The following CACHD1 variants were observed in gnomAD, a reference collection of about 807,000 sequenced individuals.
CACHD1 encodes the protein cache domain containing 1, also known as VWFA and cache domain-containing protein 1.
In CACHD1, 71 loss-of-function variants were observed where a neutral mutation model predicts 138.7. The ratio of observed to expected loss-of-function variants is 0.51; its 90% CI spans 0.42 to 0.62. The LOEUF (loss-of-function observed/expected upper bound fraction) is 0.62. Among genes scored for constraint, CACHD1 ranks in the 20% least tolerant of loss-of-function variants. The pLI, the probability that CACHD1 is intolerant of heterozygous loss-of-function variation, is 0.00. For missense variants in CACHD1, 1,389 were observed against 1,625.3 expected, an observed-to-expected ratio of 0.85 and a Z score of 2.50; for synonymous variants, 578 against 591.5, an observed-to-expected ratio of 0.98 and a Z score of 0.33.
chr1:64,604,767 C>T (rs986068003), intron 4 of CACHD1, among the ~76,000 whole-genome samples: 1 of 151,862 alleles, frequency 6.6e-6, no homozygotes, highest in Non-Finnish European at 1.5e-5. Flanking sequence ...ATTCTCCTGC[C>T]TCAGCCTCCC....
At chr1:64,655,839 A>G (rs1295187995) in intron 12 of CACHD1, among the ~76,000 whole-genome samples, 3 of 152,234 alleles carry the variant, frequency 2.0e-5, no homozygotes, top group Non-Finnish European at 4.4e-5. Flanking sequence ...TGAACATAAA[A>G]TGCAGTCATA....
chr1:64,484,789 C>T (rs1646232095), intron 1 of CACHD1, among the ~76,000 whole-genome samples: 1 of 152,230 alleles, frequency 6.6e-6, no homozygotes, highest in African/African-American at 2.4e-5. Context: ...TTCATCCATG[C>T]GTAGCATGTG....
rs1195352228 is a variant in CACHD1, at chr1:64,643,073, C to G, written c.1156+1104C>G. On this transcript the variant is annotated intron_variant, in intron 8 of 26. Coordinates refer to ENST00000651257, the MANE Select transcript of CACHD1 (RefSeq NM_020925.4). ...AAAAAAAAAAAAAAAAAAAAAAAAG[C>G]CATGTCTTGATCAAGCAGTCTTTCC... Among the ~76,000 whole-genome samples the G allele has an allele frequency of 2.1e-4, 20 of 97,356 alleles. 1 individual carries two copies. The highest frequency in any genetic ancestry group is 1.9e-3 in the Admixed American group (16 of 8,372). The allele number at this position is 97,356 out of a possible 152,430, so 63.9% of individuals were successfully genotyped here. A position where few individuals can be genotyped will look rare whatever the true frequency, so the allele number is the denominator to read the frequency against.
In CACHD1 at chr1:64,688,766, G is replaced by A. The variant is rs1308300422; in HGVS notation, c.3587-2557G>A. On this transcript the variant is annotated intron_variant, in intron 26 of 26. Coordinates refer to ENST00000651257, the MANE Select transcript of CACHD1 (RefSeq NM_020925.4). ...TATCTGTCCAGTGCCATCTCCCACC[G>A]CCCCAACCCCCAGCACCAAGCTTTC... Among the ~76,000 whole-genome samples the A allele has an allele frequency of 4.5e-5, 6 of 132,900 alleles. 1 individual carries two copies. Among genetic ancestry groups the A allele is most frequent in the Admixed American group, 1.6e-4 (2 of 12,424 alleles). The allele number at this position is 132,900 out of a possible 152,430, so 87.2% of individuals were successfully genotyped here.
At chr1:64,637,047 C>T (rs1648547152) in intron 7 of CACHD1, among the ~76,000 whole-genome samples, 1 of 152,162 alleles carries the variant, frequency 6.6e-6, no homozygotes, top group Non-Finnish European at 1.5e-5. Flanking sequence ...TCAGTAAGGT[C>T]AGTTAACAAG....
intron 1 of CACHD1, among the ~76,000 whole-genome samples, chr1:64,496,863 C>CAA (rs35934967): frequency 0.12 from 10,076 of 85,156 alleles, 422 homozygotes; most frequent in East Asian, 0.23. Flanking sequence ...GAAGTTGTCT[C>CAA]AAAAAAAAAA....
At chr1:64,500,763 A>G (rs1646334769) in intron 1 of CACHD1, among the ~76,000 whole-genome samples, 1 of 135,360 alleles carries the variant, frequency 7.4e-6, no homozygotes. Context: ...AGAGAGAGAG[A>G]GAGTCCGGAC....
intron 5 of CACHD1, among the ~76,000 whole-genome samples, chr1:64,631,047 A>G (rs1456751167): frequency 6.6e-6 from 1 of 152,218 alleles, no homozygotes; most frequent in African/African-American, 2.4e-5. Context: ...GGACATAGCA[A>G]CACAAGAAAG....
intron 2 of CACHD1, among the ~76,000 whole-genome samples, chr1:64,566,479 T>TTCCCCC (rs1553133821): frequency 8.3e-6 from 1 of 120,646 alleles, no homozygotes; most frequent in Non-Finnish European, 1.8e-5. Context: ...TGTTTTCAAT[T>TTCCCCC]CCCCCCCCCC....
At chr1:64,609,260 C>T (rs1647445164) in intron 4 of CACHD1, among the ~76,000 whole-genome samples, 1 of 152,084 alleles carries the variant, frequency 6.6e-6, no homozygotes, top group African/African-American at 2.4e-5. Flanking sequence ...ATGAAAAGGC[C>T]ATGTTCTACC....
At chr1:64,517,680 G>A (rs1296800077) in intron 1 of CACHD1, among the ~76,000 whole-genome samples, 1 of 152,108 alleles carries the variant, frequency 6.6e-6, no homozygotes, top group Admixed American at 6.6e-5. Flanking sequence ...GGGAACCTGT[G>A]GGGAATCTTG....
At chr1:64,561,143 A>AAATT (rs1173456835) in intron 2 of CACHD1, among the ~76,000 whole-genome samples, 1 of 151,854 alleles carries the variant, frequency 6.6e-6, no homozygotes, top group African/African-American at 2.4e-5. Context: ...AATGTTTAAT[A>AAATT]AATTAATATT....
chr1:64,523,336 T>C (rs1399719017), intron 1 of CACHD1, among the ~76,000 whole-genome samples: 1 of 152,186 alleles, frequency 6.6e-6, no homozygotes, highest in African/African-American at 2.4e-5. Flanking sequence ...CTGTTTTGTC[T>C]TCTTTTATAG....
At position 64,682,123 on chromosome 1, in the gene CACHD1, T is replaced by G; in HGVS notation, c.3586+17T>G. Reference sequence around the variant, plus strand: ...GTGATCATGGTAAGGTCTAGCTTCCTGCATTTGAAGACCCAAGGAACCTCA... The same window carrying G: ...GTGATCATGGTAAGGTCTAGCTTCCGGCATTTGAAGACCCAAGGAACCTCA... On this transcript the variant is annotated intron_variant, in intron 26 of 26. Transcript: ENST00000651257. The G allele has an allele frequency of 6.2e-7, 1 of 1,610,436 alleles. No homozygotes were observed. The highest frequency in any genetic ancestry group is 8.5e-7 in the Non-Finnish European group (1 of 1,176,710).
intron 1 of CACHD1, among the ~76,000 whole-genome samples, chr1:64,473,894 G>T (rs74080175): frequency 1.3e-5 from 2 of 152,120 alleles, no homozygotes; most frequent in Non-Finnish European, 2.9e-5. Flanking sequence ...TTGCAAGGGG[G>T]TAATTTTACA....
rs1448946079 is a variant in CACHD1, at chr1:64,563,628, A to C, written c.261+12972A>C. ...CACTTTATGTGCCCCGATGTGAATC[A>C]TCAGTCCTAACTAAGGTGATGTTTT... On this transcript the variant is annotated intron_variant, in intron 2 of 26. Transcript: ENST00000651257. The C allele has an allele frequency of 2.0e-5, 3 of 152,196 alleles. No individual in the cohort carries two copies. The East Asian group carries it at 5.8e-4, about 29-fold the overall frequency. The allele number at this position is 152,196 out of a possible 1,614,324, so 9.4% of individuals were successfully genotyped here. A position where few individuals can be genotyped will look rare whatever the true frequency, so the allele number is the denominator to read the frequency against.
At chr1:64,668,164 TA>T (rs1649696607) in intron 16 of CACHD1, among the ~76,000 whole-genome samples, 1 of 151,892 alleles carries the variant, frequency 6.6e-6, no homozygotes, top group Non-Finnish European at 1.5e-5. Flanking sequence ...CCGTCTGTAC[TA>T]AAAATACAAA....
chr1:64,530,929 T>G (rs796565597), intron 1 of CACHD1, among the ~76,000 whole-genome samples: 11,234 of 82,206 alleles, frequency 0.14, 811 homozygotes, highest in African/African-American at 0.19. Flanking sequence ...TCGTGTTTTT[T>G]TTTGTTTTTT....
At chr1:64,533,404 G>C (rs1646604834) in intron 1 of CACHD1, among the ~76,000 whole-genome samples, 1 of 152,168 alleles carries the variant, frequency 6.6e-6, no homozygotes, top group Non-Finnish European at 1.5e-5. Context: ...TGTGGCTATA[G>C]ATGGGGAATA....
Sources: allele counts gnomAD v4.1 joint callset (sites outside exome capture counted in the v4.1 genomes callset), GRCh38; gene constraint gnomAD v4.1.1; transcripts MANE v1.5; gene names NCBI Gene and HGNC (gene_info 2026-07-23, HGNC 2026-07-21).